Variants in TEX52 observed in about 807,000 individuals in gnomAD.
The protein encoded by TEX52 is testis-expressed protein 52.
A neutral mutation model predicts 17.6 loss-of-function variants in TEX52; 22 were observed. The observed-to-expected ratio is 1.25, with a 90% CI of 0.89 to 1.78. The LOEUF is 1.78. TEX52 is among the 40% of genes most tolerant of loss of function. The pLI is 0.00. For missense variants in TEX52, 396 were observed against 372.3 expected, an observed-to-expected ratio of 1.06 and a Z score of -0.52; for synonymous variants, 168 against 147.4, an observed-to-expected ratio of 1.14 and a Z score of -1.01.
chr12:2,855,488 C>A (rs1565453884), intron 1 of TEX52, 42 bp from the exon 2 acceptor site: 2 of 1,369,810 alleles, frequency 1.5e-6, no homozygotes, highest in Non-Finnish European at 1.9e-6. Context: ...GTTGTGCAGA[C>A]AGGGGTGCAG....
At chr12:2,849,610 T>G in intron 2 of TEX52, 85 bp from the exon 3 acceptor site, 2 of 1,436,156 alleles carry the variant, frequency 1.4e-6, no homozygotes, top group South Asian at 1.3e-5. Flanking sequence ...GGAAGGGTGA[T>G]GCCGCTGTCC....
At chr12:2,848,911 A>ACACACACC (rs2098061222), downstream of TEX52, 2 of 357,172 alleles carry the variant, frequency 5.6e-6, no homozygotes, top group Non-Finnish European at 1.0e-5. Context: ...ACACACACAC[A>ACACACACC]CTCCTTCCTT....
chr12:2,855,472 G>C (rs576751849), intron 1 of TEX52, 26 bp from the exon 2 acceptor site: 1 of 1,402,284 alleles, frequency 7.1e-7, no homozygotes, highest in African/African-American at 1.4e-5. Flanking sequence ...AGGGAGCCTG[G>C]GGAAGGTTGT....
Position 2,854,914 on chromosome 12 carries a change from G to T in TEX52, c.605C>A (p.Pro202Gln), listed in dbSNP as rs769154114. 10 of 1,534,976 alleles carry T rather than the reference G, an allele frequency of 6.5e-6. No homozygotes were observed. Among genetic ancestry groups the T allele is most frequent in the Non-Finnish European group, 3.5e-6 (4 of 1,146,104 alleles). ...GTCTTACTTCTTGAAGCTCGCTGGC[G>T]GCTGGATGTTGCCCTGGGCATCGAG... ...PPLDAQGNIQ[P>Q]PASFKKYRHI... Residue 202 changes from proline to glutamine, a missense_variant, in exon 2 of 3, where the codon CCG (proline) becomes CAG (glutamine). By Grantham distance (76) the Pro-to-Gln change is moderately conservative (BLOSUM62 -1). Transcript: ENST00000637658.
At chr12:2,852,617 G>A (rs1349302848) in intron 2 of TEX52, among the ~76,000 whole-genome samples, 4 of 152,032 alleles carry the variant, frequency 2.6e-5, no homozygotes, top group East Asian at 1.9e-4. Context: ...CTCCCACTTC[G>A]GCCTCCCAAA....
Position 2,855,377 on chromosome 12 carries a change from C to CT in TEX52, c.141_142insA (p.Glu48ArgfsTer66). On this transcript the variant is annotated frameshift_variant, in exon 2 of 3. Coordinates refer to ENST00000637658, the MANE Select transcript of TEX52 (RefSeq NM_001365174.2). LOFTEE classifies it high-confidence loss of function. Reference sequence around the variant, plus strand: ...GTGAAGCCAGGGAACTCCCAGGACTCGCTGGGGAGGAAGAACTCACGCTGA... The same window carrying CT: ...GTGAAGCCAGGGAACTCCCAGGACTCTGCTGGGGAGGAAGAACTCACGCTGA... 1 of 1,254,858 alleles carries CT rather than the reference C, an allele frequency of 8.0e-7. No homozygotes were observed. The allele number at this position is 1,254,858 out of a possible 1,614,324, so 77.7% of individuals were successfully genotyped here.
At chr12:2,854,689 C>G (rs978238116) in intron 2 of TEX52, among the ~76,000 whole-genome samples, 4 of 152,146 alleles carry the variant, frequency 2.6e-5, no homozygotes, top group Non-Finnish European at 4.4e-5. Context: ...AGCTGTCCCC[C>G]AGATTTTAGT....
At chr12:2,851,622 C>T (rs1376829754) in intron 2 of TEX52, among the ~76,000 whole-genome samples, 1 of 152,028 alleles carries the variant, frequency 6.6e-6, no homozygotes, top group Non-Finnish European at 1.5e-5. Flanking sequence ...GGATTACAGG[C>T]GTGAGCCACC....
In TEX52 at chr12:2,850,598, G is replaced by T. The variant is rs115240480; in HGVS notation, c.624-1073C>A. 5.0e-3 allele frequency among the ~76,000 whole-genome samples: 755 copies of T among 152,170 alleles called. 8 individuals are homozygous for T. The highest frequency in any genetic ancestry group is 0.016 in the African/African-American group (677 of 41,512). ...TCTCATTCTATGTCTGAAGTCCTCT[G>T]GGTCCCTACAGCTTCAGTGCTTCAG... On this transcript the variant is annotated intron_variant, in intron 2 of 2. Coordinates refer to ENST00000637658, the MANE Select transcript of TEX52 (RefSeq NM_001365174.2).
chr12:2,849,252 C>T lies in TEX52; in HGVS notation c.897G>A (p.Lys299=), dbSNP rs758995285. 64 of 1,536,060 alleles carry T rather than the reference C, an allele frequency of 4.2e-5. No individual in the cohort carries two copies. The East Asian group carries it at 1.1e-3, about 25-fold the overall frequency. ...QASKSPARKR[K]RRPGHF is the part of the protein sequence containing the mutation. ...CCTTCTAGAAGTGTCCAGGTCTTCT[C>T]TTCCTCTTCCTTGCTGGGGATTTGC... is the stretch of plus-strand genomic sequence containing the variant. The change falls in exon 3 of 3, where the codon AAG becomes AAA. Residue 299 remains lysine (K), a synonymous_variant. Coordinates refer to ENST00000637658, the MANE Select transcript of TEX52 (RefSeq NM_001365174.2).
intron 1 of TEX52, 73 bp from the exon 2 acceptor site, chr12:2,855,519 G>A (rs1378498663): frequency 1.6e-5 from 19 of 1,183,996 alleles, no homozygotes; most frequent in Middle Eastern, 3.1e-4. Context: ...GAGGCACTCC[G>A]CTCTCCTTCC....
At chr12:2,854,764 G>T in intron 2 of TEX52, 132 bp downstream of exon 2, 1 of 953,704 alleles carries the variant, frequency 1.0e-6, no homozygotes, top group Non-Finnish European at 1.5e-6. Context: ...GCTACACTCA[G>T]AAAAGAGTTT....
intron 2 of TEX52, among the ~76,000 whole-genome samples, chr12:2,854,642 C>G (rs1293692801): frequency 6.6e-6 from 1 of 152,232 alleles, no homozygotes; most frequent in African/African-American, 2.4e-5. Flanking sequence ...AGTCACACTT[C>G]TCTGTGTCCC....
chr12:2,856,023 C>T (rs1603495143), intron 1 of TEX52, among the ~76,000 whole-genome samples: 1 of 152,144 alleles, frequency 6.6e-6, no homozygotes, highest in Non-Finnish European at 1.5e-5. Context: ...AGAATGGCAG[C>T]TCCTTCCCCT....
At position 2,853,619 on chromosome 12, in the gene TEX52, T is replaced by G. The variant is rs112423461; in HGVS notation, c.623+1277A>C. Among the ~76,000 whole-genome samples, 53 of 152,222 alleles carry G rather than the reference T, an allele frequency of 3.5e-4. 2 individuals are homozygous for G. The highest frequency in any genetic ancestry group is 2.7e-3 in the East Asian group (14 of 5,180). ...TGTTTTTGTTTTTGTTTTTGTTTTTTTTTCAGATTAAAAATCTTCACAGCC... is the reference window on the plus strand; with the variant it reads ...TGTTTTTGTTTTTGTTTTTGTTTTTGTTTCAGATTAAAAATCTTCACAGCC... On this transcript the variant is annotated intron_variant, in intron 2 of 2. Coordinates refer to ENST00000637658, the MANE Select transcript of TEX52 (RefSeq NM_001365174.2).
chr12:2,849,338 G>A lies in TEX52; in HGVS notation c.811C>T (p.Gln271Ter), dbSNP rs1021573000. Residue 271 changes from glutamine (Q) to a stop codon, truncating the protein, a stop_gained, in exon 3 of 3, where the codon CAA becomes TAA. Coordinates refer to ENST00000637658, the MANE Select transcript of TEX52 (RefSeq NM_001365174.2). LOFTEE classifies it low-confidence loss of function (END_TRUNC). ...PLSQDLIRDF[Q>*]TLIKDRTALP... ...GCAGTTCTGTCCTTTATCAGGGTTT[G>A]GAAATCCCTTATGAGGTCCTGGCTC... is the stretch of plus-strand genomic sequence containing the variant. 5.9e-6 allele frequency: 9 copies of A among 1,536,176 alleles called. No individual in the cohort carries two copies. In the Admixed American group the frequency reaches 9.8e-5, roughly 17 times the overall value.
At position 2,849,429 on chromosome 12, in the gene TEX52, G is replaced by C; in HGVS notation, c.720C>G (p.Cys240Trp). ...FPNNFARSWP[C>W]PNPLPHYQEK... is the part of the protein sequence containing the mutation. ...CCTGGTAGTGAGGCAGAGGGTTTGGGCAGGGCCAGCTCCTGGCGAAATTAT... is the reference window on the plus strand; with the variant it reads ...CCTGGTAGTGAGGCAGAGGGTTTGGCCAGGGCCAGCTCCTGGCGAAATTAT... The change falls in exon 3 of 3, where the codon TGC (cysteine) becomes TGG (tryptophan). Residue 240 changes from cysteine (C) to tryptophan (W), a missense_variant. Transcript: ENST00000637658. 6.5e-7 allele frequency: 1 copy of C among 1,536,176 alleles called. No homozygotes were observed. Among genetic ancestry groups the C allele is most frequent in the Non-Finnish European group, 8.7e-7 (1 of 1,146,922 alleles).
Position 2,855,277 on chromosome 12 carries a change from A to C in TEX52, c.242T>G (p.Leu81Arg). Residue 81 changes from leucine (L) to arginine (R), a missense_variant, in exon 2 of 3, where the codon CTC becomes CGC. Physicochemically the swap from Leu to Arg is moderately radical, Grantham distance 102. Transcript: ENST00000637658. ...GGCGCCACCCTTCCAAGGGTGGATG[A>C]GCCGCTGACGCACCTTGGACTTCAT... The part of the protein sequence containing the change: ...TDMKSKVRQR[L>R]IHPWKGGAQH... The C allele has an allele frequency of 5.3e-6, 8 of 1,517,196 alleles. No individual in the cohort carries two copies. The highest frequency in any genetic ancestry group is 7.1e-6 in the Non-Finnish European group (8 of 1,132,780). The allele number at this position is 1,517,196 out of a possible 1,614,324, so 94.0% of individuals were successfully genotyped here. A position where few individuals can be genotyped will look rare whatever the true frequency, so the allele number is the denominator to read the frequency against.
rs760413772 is a variant in TEX52, at chr12:2,849,502, C to G, written c.647G>C (p.Gly216Ala). The change falls in exon 3 of 3, where the codon GGG (glycine) becomes GCG (alanine). Residue 216 changes from glycine (G) to alanine (A), a missense_variant. By Grantham distance (60) the Gly-to-Ala change is moderately conservative. Transcript: ENST00000637658. ...FKKYRHISAG[G>A]RFEPQGLQLM... ...CTGGAGGCCCTGGGGTTCAAACCTC[C>G]CACCAGCGGATATGTGCCGGTACCT... 5.2e-6 allele frequency: 8 copies of G among 1,536,118 alleles called. No individual in the cohort carries two copies. In the South Asian group the frequency reaches 9.5e-5, roughly 18 times the overall value.
Sources: allele counts gnomAD v4.1 joint callset (sites outside exome capture counted in the v4.1 genomes callset), GRCh38; gene constraint gnomAD v4.1.1; transcripts MANE v1.5; gene names NCBI Gene and HGNC (gene_info 2026-07-23, HGNC 2026-07-21).